Variants in HRH1 observed in about 807,000 individuals in gnomAD.
The protein encoded by HRH1 is histamine H1 receptor.
In HRH1, 6 loss-of-function variants were observed where a neutral mutation model predicts 10.3. The ratio of observed to expected loss-of-function variants is 0.58; its 90% CI spans 0.32 to 1.15. The LOEUF (loss-of-function observed/expected upper bound fraction) is 1.15. HRH1 is among the 50% of genes most tolerant of loss of function. The probability of loss-of-function intolerance (pLI) is 0.05; values close to 1 mark genes in which losing one functional copy is unlikely to be tolerated. For synonymous variants in HRH1, 242 were observed against 236.7 expected, an observed-to-expected ratio of 1.02 and a Z score of -0.21; for missense variants, 514 against 615.3, an observed-to-expected ratio of 0.84 and a Z score of 1.74.
At chr3:11,189,649 T>C (rs1002470246) in intron 1 of HRH1, among the ~76,000 whole-genome samples, 3 of 152,050 alleles carry the variant, frequency 2.0e-5, no homozygotes, top group South Asian at 2.1e-4. Flanking sequence ...AAGTGGCCAC[T>C]GGCTGGGCGT....
intron 1 of HRH1, among the ~76,000 whole-genome samples, chr3:11,250,595 G>C (rs1446870192): frequency 6.6e-6 from 1 of 152,148 alleles, no homozygotes; most frequent in Non-Finnish European, 1.5e-5. Context: ...GTGCTAGGAG[G>C]CCTTGAGTCC....
chr3:11,205,148 G>T (rs1412675326), intron 1 of HRH1, among the ~76,000 whole-genome samples: 4 of 152,360 alleles, frequency 2.6e-5, no homozygotes, highest in Non-Finnish European at 4.4e-5. Flanking sequence ...GGTCTGAGGA[G>T]ATGGGAATGT....
intron 1 of HRH1, among the ~76,000 whole-genome samples, chr3:11,243,417 G>A (rs545463113): frequency 6.6e-6 from 1 of 152,318 alleles, no homozygotes; most frequent in East Asian, 1.9e-4. Flanking sequence ...TCCCCATTTA[G>A]TTGGAGGAGA....
At chr3:11,187,786 G>A (rs557966705) in intron 1 of HRH1, among the ~76,000 whole-genome samples, 2 of 152,174 alleles carry the variant, frequency 1.3e-5, no homozygotes, top group Non-Finnish European at 2.9e-5. Context: ...TAAACGTGGT[G>A]TACATTCTGT....
chr3:11,164,590 T>C (rs1559257236), intron 1 of HRH1, among the ~76,000 whole-genome samples: 1 of 152,202 alleles, frequency 6.6e-6, no homozygotes, highest in East Asian at 1.9e-4. Context: ...CATGCTTACT[T>C]TTTCTCTGCC....
chr3:11,139,477 A>C lies in HRH1; in HGVS notation c.-36+2078A>C, dbSNP rs1429619364. Reference sequence around the variant, plus strand: ...ATATATTTGGTAGAGACAAGGTTTCACCGTGTTGGCAAAGCTGATCTAGAA... The same window carrying C: ...ATATATTTGGTAGAGACAAGGTTTCCCCGTGTTGGCAAAGCTGATCTAGAA... On this transcript the variant is annotated intron_variant, in intron 1 of 1. Coordinates refer to the HRH1 transcript ENST00000438284. 2.6e-5 allele frequency among the ~76,000 whole-genome samples: 4 copies of C among 151,794 alleles called. No individual in the cohort carries two copies. The East Asian group carries it at 5.8e-4, about 22-fold the overall frequency.
Position 11,155,271 on chromosome 3 carries a change from G to A in HRH1, c.-36+717G>A, listed in dbSNP as rs553641156. On this transcript the variant is annotated intron_variant, in intron 1 of 1. Transcript: ENST00000431010. ...CCTCCTCCTCGTTGTACCGAGAGAG[G>A]AGGATGCTTTGGGAAAATGAGTGGA... 3.3e-5 allele frequency among the ~76,000 whole-genome samples: 5 copies of A among 152,322 alleles called. No individual in the cohort carries two copies. The East Asian group carries it at 9.7e-4, about 29-fold the overall frequency.
chr3:11,149,324 T>A (rs1454423220), intron 1 of HRH1, among the ~76,000 whole-genome samples: 1 of 152,262 alleles, frequency 6.6e-6, no homozygotes, highest in East Asian at 1.9e-4. Context: ...ATGCTTTGCA[T>A]ATAAATAGAA....
At position 11,259,231 on chromosome 3, in the gene HRH1, A is replaced by T; in HGVS notation, c.194A>T (p.Tyr65Phe). 1 of 1,613,250 alleles carries T rather than the reference A, an allele frequency of 6.2e-7. No individual in the cohort carries two copies. The highest frequency in any genetic ancestry group is 8.5e-7 in the Non-Finnish European group (1 of 1,179,848). ...AAGCTCCACACTGTGGGGAACCTGTACATCGTCAGCCTCTCGGTGGCGGAC... is the reference window on the plus strand; with the variant it reads ...AAGCTCCACACTGTGGGGAACCTGTTCATCGTCAGCCTCTCGGTGGCGGAC... Reference protein sequence around the residue: ...ERKLHTVGNLYIVSLSVADLI... With the variant: ...ERKLHTVGNLFIVSLSVADLI... The change falls in exon 2 of 2, where the codon TAC becomes TTC. Residue 65 changes from tyrosine to phenylalanine, a missense_variant. Physicochemically the swap from Tyr to Phe is conservative, Grantham distance 22 (BLOSUM62 3). Transcript: ENST00000431010. The surrounding 1 kb of genome is among the most constrained non-coding windows in gnomAD (Gnocchi z 4.6).
intron 1 of HRH1, among the ~76,000 whole-genome samples, chr3:11,177,066 C>T (rs1351912686): frequency 6.6e-6 from 1 of 151,142 alleles, no homozygotes; most frequent in Non-Finnish European, 1.5e-5. Context: ...GCACTCCAGC[C>T]TGAATGACGG....
chr3:11,234,324 GCTT>G, intron 1 of HRH1: 3 of 1,580,140 alleles, frequency 1.9e-6, no homozygotes, highest in South Asian at 1.1e-5. Context: ...TGTTCTGCTG[GCTT>G]CTTCTCTCTT....
chr3:11,235,901 C>T (rs989326605), intron 1 of HRH1, among the ~76,000 whole-genome samples: 4 of 152,166 alleles, frequency 2.6e-5, no homozygotes, highest in African/African-American at 4.8e-5. Flanking sequence ...TTGCCTGTGC[C>T]GATTGCCATT....
chr3:11,140,775 T>C (rs891300536), intron 1 of HRH1, among the ~76,000 whole-genome samples: 7 of 152,130 alleles, frequency 4.6e-5, no homozygotes, highest in Non-Finnish European at 8.8e-5. Context: ...ATCTGTAAAG[T>C]GTACAGGGCC....
At chr3:11,198,975 G>A (rs1269143305) in intron 1 of HRH1, among the ~76,000 whole-genome samples, 1 of 151,564 alleles carries the variant, frequency 6.6e-6, no homozygotes, top group African/African-American at 2.4e-5. Flanking sequence ...TCAGGCTGGA[G>A]TGCAGTGACA....
At position 11,262,296 on chromosome 3, in the gene HRH1, T is replaced by C. The variant is rs1939975864; in HGVS notation, c.*1795T>C. On this transcript the variant is annotated 3_prime_UTR_variant, in exon 2 of 2. Transcript: ENST00000431010. ...TAAAATATGATGTTTAAAAGCATACTCTATGTGATTTATTTATTTCTACCT... is the reference window on the plus strand; with the variant it reads ...TAAAATATGATGTTTAAAAGCATACCCTATGTGATTTATTTATTTCTACCT... 6.0e-6 allele frequency: 1 copy of C among 167,086 alleles called. No individual in the cohort carries two copies. Among genetic ancestry groups the C allele is most frequent in the Non-Finnish European group, 1.5e-5 (1 of 68,122 alleles). 10.4% of individuals were successfully genotyped at this position (167,086 alleles called of 1,614,324 possible). A position where few individuals can be genotyped will look rare whatever the true frequency, so the allele number is the denominator to read the frequency against.
chr3:11,209,807 G>A (rs963665141), intron 1 of HRH1, among the ~76,000 whole-genome samples: 3 of 152,170 alleles, frequency 2.0e-5, no homozygotes, highest in Non-Finnish European at 4.4e-5. Flanking sequence ...TACAGAGGAG[G>A]GAGCTGAGGC....
At chr3:11,253,434 C>T (rs755283791) in intron 1 of HRH1, among the ~76,000 whole-genome samples, 2 of 152,224 alleles carry the variant, frequency 1.3e-5, no homozygotes, top group Non-Finnish European at 2.9e-5. Context: ...AGTAATATCT[C>T]GCCAGCTATT....
At chr3:11,253,287 A>C (rs927972786) in intron 1 of HRH1, 1 of 152,232 alleles carries the variant, frequency 6.6e-6, no homozygotes, top group African/African-American at 2.4e-5. Context: ...CAAGAGACAA[A>C]GATGGAGCCC....
At position 11,259,994 on chromosome 3, in the gene HRH1, G is replaced by A. The variant is rs1939899884; in HGVS notation, c.957G>A (p.Arg319=). The change falls in exon 2 of 2, where the codon AGG becomes AGA. Residue 319 remains arginine, a synonymous_variant. Transcript: ENST00000431010. The surrounding 1 kb of genome is among the most constrained non-coding windows in gnomAD (Gnocchi z 4.6). ...HMQAAAEGSS[R]DYVAVNRSHG... ...AGGCTGCGGCAGAGGGGAGTAGCAG[G>A]GACTATGTAGCCGTCAACCGGAGCC... The A allele has an allele frequency of 6.2e-7, 1 of 1,614,110 alleles. No homozygotes were observed. Among genetic ancestry groups the A allele is most frequent in the South Asian group, 1.1e-5 (1 of 91,074 alleles).
Sources: allele counts gnomAD v4.1 joint callset (sites outside exome capture counted in the v4.1 genomes callset), GRCh38; gene constraint gnomAD v4.1.1; non-coding constraint Gnocchi (gnomAD v3.1); transcripts MANE v1.5; gene names NCBI Gene and HGNC (gene_info 2026-07-23, HGNC 2026-07-21).